The following SCGB2B2 variants were observed in gnomAD, a reference collection of about 807,000 sequenced individuals.
The protein encoded by SCGB2B2 is secretoglobin family 2B member 2, also known as secretoglobin-like protein.
Under a neutral mutation model 7.6 loss-of-function variants are expected in SCGB2B2, and 11 were observed. The ratio of observed to expected loss-of-function variants is 1.45; its 90% CI spans 0.91 to 2.40. The LOEUF (loss-of-function observed/expected upper bound fraction) is 2.40. Ranked by LOEUF, SCGB2B2 falls within the 30% of genes most tolerant of loss-of-function variation. The probability of loss-of-function intolerance (pLI) is 0.00; values close to 1 mark genes in which losing one functional copy is unlikely to be tolerated. For synonymous variants in SCGB2B2, 50 were observed against 48.6 expected (o/e 1.03, Z -0.12); for missense variants, 104 against 115.4 (o/e 0.90, Z 0.45).
At chr19:34,586,743 T>G (rs2065196758), downstream of SCGB2B2, among the ~76,000 whole-genome samples, 1 of 152,228 alleles carries the variant, frequency 6.6e-6, no homozygotes, top group Non-Finnish European at 1.5e-5. Context: ...ACAATAGAGA[T>G]GCCATTTTCT....
chr19:34,603,844 T>G (rs2065702449), intron 1 of SCGB2B2, among the ~76,000 whole-genome samples: 1 of 144,138 alleles, frequency 6.9e-6, no homozygotes, highest in Non-Finnish European at 1.5e-5. Flanking sequence ...TTGCCCAGGC[T>G]GGAGTGCAGG....
In SCGB2B2 at chr19:34,669,645, G is replaced by A. The variant is rs541110699; in HGVS notation, c.-2032+5985C>T. Among the ~76,000 whole-genome samples the A allele has an allele frequency of 4.8e-5, 7 of 146,460 alleles. No homozygotes were observed. The South Asian group carries it at 1.3e-3, about 27-fold the overall frequency. On this transcript the variant is annotated intron_variant, in intron 1 of 3. Coordinates refer to ENST00000601241, the MANE Select transcript of SCGB2B2 (RefSeq NM_001025591.4). The stretch of plus-strand genomic sequence containing the variant: ...CCACTGCATGCTGAGCTTAGTTCCT[G>A]ATACACTGTCACCCCAAAGGCATGG...
intron 1 of SCGB2B2, among the ~76,000 whole-genome samples, chr19:34,614,499 A>G (rs8101096): frequency 0.32 from 47,924 of 152,060 alleles, 8,398 homozygotes; most frequent in Middle Eastern, 0.47. Flanking sequence ...TTTCTGATTC[A>G]TATCATAAAG....
intron 1 of SCGB2B2, among the ~76,000 whole-genome samples, chr19:34,660,580 G>C (rs2067425212): frequency 6.6e-6 from 1 of 151,520 alleles, no homozygotes; most frequent in South Asian, 2.1e-4. Flanking sequence ...CAAAACCACA[G>C]TGAGATACCA....
At chr19:34,616,064 A>T (rs1359544042) in intron 1 of SCGB2B2, among the ~76,000 whole-genome samples, 1 of 150,440 alleles carries the variant, frequency 6.6e-6, no homozygotes, top group Admixed American at 6.6e-5. Flanking sequence ...TATATGTGCC[A>T]CATTTTCTTA....
chr19:34,611,573 T>C (rs925928824), intron 1 of SCGB2B2, among the ~76,000 whole-genome samples: 5 of 152,164 alleles, frequency 3.3e-5, no homozygotes, highest in African/African-American at 1.2e-4. Flanking sequence ...TTCTTGTTTA[T>C]ATAGCTTCTG....
At chr19:34,601,644 T>C (rs8101747) in intron 1 of SCGB2B2, among the ~76,000 whole-genome samples, 48,325 of 152,148 alleles carry the variant, frequency 0.32, 8,531 homozygotes, top group Middle Eastern at 0.48. Flanking sequence ...TAAGTGCTGT[T>C]GTATAGGAAA....
intron 1 of SCGB2B2, among the ~76,000 whole-genome samples, chr19:34,630,143 C>T (rs1371019410): frequency 6.6e-6 from 1 of 151,668 alleles, no homozygotes; most frequent in Non-Finnish European, 1.5e-5. Flanking sequence ...AACCTTAGAC[C>T]TAAAACCATA....
chr19:34,604,111 A>G (rs879384882), intron 1 of SCGB2B2, among the ~76,000 whole-genome samples: 3 of 152,024 alleles, frequency 2.0e-5, no homozygotes, highest in Admixed American at 2.0e-4. Flanking sequence ...CTATATTGCC[A>G]GACAGTCTTT....
chr19:34,591,143 C>G lies in SCGB2B2; in HGVS notation c.*2412G>C, dbSNP rs117230682. On this transcript the variant is annotated 3_prime_UTR_variant, in exon 4 of 4. Transcript: ENST00000601241. ...CTCCAAACTAGAGCGTCTCACACCC[C>G]CTGTGTCCCGTCCTCCTGGATAGCT... Among the ~76,000 whole-genome samples the G allele has an allele frequency of 1.3e-5, 2 of 152,180 alleles. No individual in the cohort carries two copies. The highest frequency in any genetic ancestry group is 1.9e-4 in the East Asian group (1 of 5,196).
chr19:34,635,137 C>T (rs1320872738), intron 1 of SCGB2B2: 2 of 292,872 alleles, frequency 6.8e-6, no homozygotes, highest in Non-Finnish European at 1.4e-5. Context: ...TTCAATAAGG[C>T]CATAGCTTTG....
At chr19:34,639,364 A>G (rs1030611742) in intron 1 of SCGB2B2, among the ~76,000 whole-genome samples, 2 of 152,192 alleles carry the variant, frequency 1.3e-5, no homozygotes, top group African/African-American at 4.8e-5. Context: ...ACAATATCCT[A>G]ACCTTTCCAA....
intron 1 of SCGB2B2, among the ~76,000 whole-genome samples, chr19:34,661,292 C>A (rs1159806612): frequency 6.6e-6 from 1 of 151,466 alleles, no homozygotes; most frequent in African/African-American, 2.4e-5. Context: ...AATAAATAAA[C>A]GTGCAATGAC....
At chr19:34,620,735 T>G (rs59898152) in intron 1 of SCGB2B2, among the ~76,000 whole-genome samples, 1 of 152,166 alleles carries the variant, frequency 6.6e-6, no homozygotes, top group African/African-American at 2.4e-5. Flanking sequence ...TTCCAATGAG[T>G]TGGCAGTGAA....
intron 1 of SCGB2B2, among the ~76,000 whole-genome samples, chr19:34,621,333 T>C (rs906113926): frequency 6.6e-6 from 1 of 152,122 alleles, no homozygotes; most frequent in Non-Finnish European, 1.5e-5. Context: ...TAGGGCCTAA[T>C]AAACAGGCAT....
intron 1 of SCGB2B2, among the ~76,000 whole-genome samples, chr19:34,657,783 C>T (rs2067321945): frequency 6.6e-6 from 1 of 152,226 alleles, no homozygotes; most frequent in South Asian, 2.1e-4. Context: ...TCCAAATCAA[C>T]AGAATATACA....
chr19:34,667,103 C>T (rs1046365044), intron 1 of SCGB2B2, among the ~76,000 whole-genome samples: 22 of 152,220 alleles, frequency 1.4e-4, no homozygotes, highest in Middle Eastern at 3.4e-3. Flanking sequence ...AGCCCTTGAC[C>T]TCCTTTGAGA....
intron 1 of SCGB2B2, among the ~76,000 whole-genome samples, chr19:34,642,001 C>T (rs953764881): frequency 6.6e-6 from 1 of 152,104 alleles, no homozygotes; most frequent in African/African-American, 2.4e-5. Context: ...GAGCCTTGTC[C>T]CCACAGTTTT....
intron 1 of SCGB2B2, among the ~76,000 whole-genome samples, chr19:34,650,967 G>A (rs1007953506): frequency 2.0e-5 from 3 of 151,208 alleles, no homozygotes; most frequent in Non-Finnish European, 4.4e-5. Flanking sequence ...ATCAATAAAA[G>A]CAACACACTA....
Sources: allele counts gnomAD v4.1 joint callset (sites outside exome capture counted in the v4.1 genomes callset), GRCh38; gene constraint gnomAD v4.1.1; transcripts MANE v1.5; gene names NCBI Gene and HGNC (gene_info 2026-07-23, HGNC 2026-07-21).